The following FARP2 variants were observed in gnomAD, a reference collection of about 807,000 sequenced individuals.
FARP2 encodes FERM, ARH/RhoGEF and pleckstrin domain protein 2, also known as FERM, ARHGEF and pleckstrin domain-containing protein 2.
A neutral mutation model predicts 130.5 loss-of-function variants in FARP2; 111 were observed. The observed-to-expected ratio is 0.85, with a 90% CI of 0.73 to 1.00. FARP2 has a LOEUF of 1.00. Among genes scored for constraint, FARP2 ranks in the 50% least tolerant of loss-of-function variants. FARP2 has a pLI of 0.00. For missense variants in FARP2, 1,385 were observed against 1,346.3 expected, an observed-to-expected ratio of 1.03 and a Z score of -0.45; for synonymous variants, 504 against 516.9, an observed-to-expected ratio of 0.98 and a Z score of 0.34.
At chr2:241,451,319 G>A (rs1039293702) in intron 13 of FARP2, among the ~76,000 whole-genome samples, 1 of 152,144 alleles carries the variant, frequency 6.6e-6, no homozygotes, top group Admixed American at 6.5e-5. Context: ...TTTTCCCAAA[G>A]TGCAGTCTAT....
intron 8 of FARP2, among the ~76,000 whole-genome samples, chr2:241,429,645 A>G (rs1313122719): frequency 6.6e-6 from 1 of 152,144 alleles, no homozygotes; most frequent in African/African-American, 2.4e-5. Context: ...GTCCCAACAG[A>G]GGCTGAAGCA....
At chr2:241,403,675 CT>C (rs200810736) in intron 2 of FARP2, among the ~76,000 whole-genome samples, 152 bp from the exon 3 acceptor site, 2,461 of 148,904 alleles carry the variant, frequency 0.017, 43 homozygotes, top group African/African-American at 0.043. Flanking sequence ...ATGCTTCAGA[CT>C]TTTTTTTTTA....
chr2:241,388,973 T>A (rs186804209), intron 2 of FARP2, among the ~76,000 whole-genome samples: 1 of 152,236 alleles, frequency 6.6e-6, no homozygotes, highest in East Asian at 1.9e-4. Context: ...CGAGTGGGAT[T>A]AGTGCCCTTA....
intron 18 of FARP2, among the ~76,000 whole-genome samples, chr2:241,474,132 C>G (rs2064388358): frequency 6.6e-6 from 1 of 151,470 alleles, no homozygotes; most frequent in Non-Finnish European, 1.5e-5. Flanking sequence ...CAGTGAAACC[C>G]CGTCTCTACT....
intron 2 of FARP2, among the ~76,000 whole-genome samples, chr2:241,391,515 T>A (rs2061903299): frequency 2.0e-5 from 3 of 152,206 alleles, no homozygotes. Flanking sequence ...TCCACTGGTG[T>A]CTCTGTGAGG....
At chr2:241,360,059 T>C (rs1037911387) in intron 1 of FARP2, among the ~76,000 whole-genome samples, 1 of 152,162 alleles carries the variant, frequency 6.6e-6, no homozygotes, top group African/African-American at 2.4e-5. Context: ...ACCCTCACTT[T>C]ACTCACTCCA....
intron 8 of FARP2, among the ~76,000 whole-genome samples, chr2:241,422,753 C>T (rs62193256): frequency 0.11 from 16,749 of 152,126 alleles, 1,182 homozygotes; most frequent in Non-Finnish European, 0.15. Flanking sequence ...AGCTTATAGC[C>T]GGTTTTGAGA....
At chr2:241,487,277 A>G (rs62190415) in intron 21 of FARP2, among the ~76,000 whole-genome samples, 21,899 of 152,266 alleles carry the variant, frequency 0.14, 1,667 homozygotes, top group Admixed American at 0.16. Flanking sequence ...GGAACCCAGC[A>G]AATGCTTGTT....
chr2:241,412,657 A>G (rs1028881378), intron 6 of FARP2, among the ~76,000 whole-genome samples: 4 of 152,250 alleles, frequency 2.6e-5, no homozygotes, highest in African/African-American at 7.2e-5. Flanking sequence ...TTTAAAATAC[A>G]TTATCCTAAA....
At chr2:241,479,026 T>C in intron 19 of FARP2, 1 of 534,212 alleles carries the variant, frequency 1.9e-6, no homozygotes, top group Admixed American at 2.7e-5. Flanking sequence ...AAAAATGATT[T>C]ACTCTTTCCC....
At position 241,402,453 on chromosome 2, in the gene FARP2, C is replaced by T. The variant is rs536227570; in HGVS notation, c.184-1375C>T. 1.1e-4 allele frequency among the ~76,000 whole-genome samples: 17 copies of T among 152,098 alleles called. No homozygotes were observed. The South Asian group carries it at 3.5e-3, about 32-fold the overall frequency. ...GCAAAATAAAACATTGTAACTTTTT[C>T]CATTGTGATTCTAGATAACTTTGTT... On this transcript the variant is annotated intron_variant, in intron 2 of 26. Transcript: ENST00000264042.
At chr2:241,382,909 C>T (rs941977783) in intron 2 of FARP2, among the ~76,000 whole-genome samples, 1 of 152,014 alleles carries the variant, frequency 6.6e-6, no homozygotes, top group African/African-American at 2.4e-5. Context: ...TGGTCTACAT[C>T]ATATTTGAAG....
chr2:241,455,144 G>A (rs750785297), intron 13 of FARP2, among the ~76,000 whole-genome samples: 15 of 152,188 alleles, frequency 9.9e-5, no homozygotes, highest in Non-Finnish European at 2.1e-4. Context: ...CTATAAACTG[G>A]TCACTATAAG....
At chr2:241,453,570 C>G (rs1296275925) in intron 13 of FARP2, among the ~76,000 whole-genome samples, 1 of 150,824 alleles carries the variant, frequency 6.6e-6, no homozygotes. Flanking sequence ...TGCAGTGAGC[C>G]GAGATCGTGT....
rs777202097 is a variant in FARP2, at chr2:241,404,839, G to T, written c.329G>T (p.Arg110Leu). 1 of 1,607,554 alleles carries T rather than the reference G, an allele frequency of 6.2e-7. No homozygotes were observed. Among genetic ancestry groups the T allele is most frequent in the Admixed American group, 1.7e-5 (1 of 59,978 alleles). Residue 110 changes from arginine to leucine, a missense_variant and splice_region_variant, in exon 4 of 27, where the codon CGA (arginine) becomes CTA (leucine). Arg to Leu is a moderately radical substitution (Grantham distance 102). Coordinates refer to ENST00000264042, the MANE Select transcript of FARP2 (RefSeq NM_014808.4). ...ATGAAACCCATCATTAGGCAAATAC[G>T]AAGTAAGTCCTTGGTTTGACTCTTT... ...EPMKPIIRQI[R>L]RPKNVVLRLA...
intron 1 of FARP2, among the ~76,000 whole-genome samples, chr2:241,368,550 C>G (rs1476707369): frequency 6.6e-6 from 1 of 152,152 alleles, no homozygotes; most frequent in Non-Finnish European, 1.5e-5. Context: ...GCCTCAGCCT[C>G]CCGAGTAGCT....
intron 2 of FARP2, among the ~76,000 whole-genome samples, chr2:241,375,173 G>A (rs193050565): frequency 6.6e-6 from 1 of 152,078 alleles, no homozygotes; most frequent in Admixed American, 6.5e-5. Context: ...GTATGGTCTC[G>A]ATCCCCTGAC....
intron 7 of FARP2, among the ~76,000 whole-genome samples, chr2:241,416,293 A>G (rs376222593): frequency 2.6e-5 from 4 of 152,240 alleles, no homozygotes; most frequent in African/African-American, 9.6e-5. Flanking sequence ...AGGGTGAGCC[A>G]TGTGGTCTGC....
In FARP2 at chr2:241,418,060, G is replaced by C. The variant is rs758168372; in HGVS notation, c.722G>C (p.Gly241Ala). Residue 241 changes from glycine to alanine, a missense_variant, in exon 8 of 27, where the codon GGA (glycine) becomes GCA (alanine). By Grantham distance (60) the Gly-to-Ala change is moderately conservative. Coordinates refer to ENST00000264042, the MANE Select transcript of FARP2 (RefSeq NM_014808.4). ...TTTCACATGGCTTCTGACAGGGAAGGAACCAAGATTCAACTGGCAGTTTCC... is the reference window on the plus strand; with the variant it reads ...TTTCACATGGCTTCTGACAGGGAAGCAACCAAGATTCAACTGGCAGTTTCC... ...IRFHMASDRE[G>A]TKIQLAVSHM... The C allele has an allele frequency of 3.7e-6, 6 of 1,614,084 alleles. No individual in the cohort carries two copies. The highest frequency in any genetic ancestry group is 1.3e-5 in the African/African-American group (1 of 74,940).
Sources: allele counts gnomAD v4.1 joint callset (sites outside exome capture counted in the v4.1 genomes callset), GRCh38; gene constraint gnomAD v4.1.1; transcripts MANE v1.5; gene names NCBI Gene and HGNC (gene_info 2026-07-23, HGNC 2026-07-21).